LRIG2: variants seen among roughly 807,000 people sequenced by gnomAD.
LRIG2 encodes leucine-rich repeats and immunoglobulin-like domains protein 2.
Under a neutral mutation model 107.8 loss-of-function variants are expected in LRIG2, and 93 were observed. That is an observed-to-expected ratio of 0.86 (90% CI 0.73 to 1.03). LRIG2 has a LOEUF of 1.03. Among genes scored for constraint, LRIG2 ranks in the 50% least tolerant of loss-of-function variants. The pLI is 0.00. For synonymous variants in LRIG2, 471 were observed against 470.6 expected (o/e 1.00, Z -0.01); for missense variants, 1,226 against 1,296.0 (o/e 0.95, Z 0.83).
At chr1:113,085,002 A>G (rs1653483652) in intron 1 of LRIG2, among the ~76,000 whole-genome samples, 1 of 152,230 alleles carries the variant, frequency 6.6e-6, no homozygotes, top group Non-Finnish European at 1.5e-5. Context: ...CAAATTATTG[A>G]TTTCATGTTT....
rs554816737 is a variant in LRIG2, at chr1:113,123,910, G to A, written c.3007G>A (p.Glu1003Lys). 4 of 1,614,092 alleles carry A rather than the reference G, an allele frequency of 2.5e-6. No homozygotes were observed. Among genetic ancestry groups the A allele is most frequent in the Non-Finnish European group, 3.4e-6 (4 of 1,180,020 alleles). Reference sequence around the variant, plus strand: ...GCGGCCCGTGTGGAACATAAACAGAGAACTAGGCCTGCCTCATCCTCCTTT... The same window carrying A: ...GCGGCCCGTGTGGAACATAAACAGAAAACTAGGCCTGCCTCATCCTCCTTT... ...LQRPVWNINR[E>K]LGLPHPPFSQ... is the part of the protein sequence containing the mutation. Residue 1003 changes from glutamate to lysine, a missense_variant, in exon 18 of 18, where the codon GAA becomes AAA. Glu to Lys is a moderately conservative substitution (Grantham distance 56, BLOSUM62 1). This residue lies in a region of LRIG2 where 642 missense variants were observed against 712.2 expected (regional missense o/e 0.90). Coordinates refer to ENST00000361127, the MANE Select transcript of LRIG2 (RefSeq NM_014813.3).
At position 113,110,283 on chromosome 1, in the gene LRIG2, A is replaced by G; in HGVS notation, c.1519A>G (p.Ile507Val). Residue 507 changes from isoleucine to valine, a missense_variant, in exon 13 of 18, where the codon ATA becomes GTA. Ile to Val is a conservative substitution (Grantham distance 29). This residue lies in a region of LRIG2 where 642 missense variants were observed against 712.2 expected (regional missense o/e 0.90). Transcript: ENST00000361127. ...ACAGATAAGGACACATCCTGAAACC[A>G]TAATTGCTCTAAGAGGCATGAATGT... The part of the protein sequence containing the change: ...KPQIRTHPET[I>V]IALRGMNVTL... 1.2e-6 allele frequency: 2 copies of G among 1,613,538 alleles called. No individual in the cohort carries two copies. Among genetic ancestry groups the G allele is most frequent in the African/African-American group, 1.3e-5 (1 of 75,062 alleles).
At chr1:113,109,501 A>G (rs1654679814) in intron 12 of LRIG2, among the ~76,000 whole-genome samples, 1 of 152,184 alleles carries the variant, frequency 6.6e-6, no homozygotes, top group Non-Finnish European at 1.5e-5. Context: ...ATTGGCACAG[A>G]AAGGATAATG....
chr1:113,110,266 G>A lies in LRIG2; in HGVS notation c.1502G>A (p.Arg501Lys), dbSNP rs777941984. Residue 501 changes from arginine to lysine, a missense_variant, in exon 13 of 18, where the codon AGG (arginine) becomes AAG (lysine). Coordinates refer to ENST00000361127, the MANE Select transcript of LRIG2 (RefSeq NM_014813.3). ...VCDDFLKPQI[R>K]THPETIIALR... Reference sequence around the variant, plus strand: ...GATGATTTTCTCAAGCCACAGATAAGGACACATCCTGAAACCATAATTGCT... The same window carrying A: ...GATGATTTTCTCAAGCCACAGATAAAGACACATCCTGAAACCATAATTGCT... The A allele has an allele frequency of 1.2e-6, 2 of 1,610,740 alleles. No individual in the cohort carries two copies. Among genetic ancestry groups the A allele is most frequent in the Non-Finnish European group, 8.5e-7 (1 of 1,177,494 alleles).
intron 1 of LRIG2, among the ~76,000 whole-genome samples, chr1:113,085,623 T>A (rs1653514487): frequency 1.3e-5 from 2 of 152,202 alleles, no homozygotes; most frequent in Admixed American, 6.5e-5. Flanking sequence ...CCAATATAGC[T>A]AGCCATTTCT....
rs1381669023 is a variant in LRIG2 at position 113,112,385 on chromosome 1, G to A, written c.1799-94G>A. The A allele has an allele frequency of 7.5e-6, 8 of 1,066,420 alleles. No homozygotes were observed. In the East Asian group the frequency reaches 1.9e-4, roughly 26 times the overall value. The allele number at this position is 1,066,420 out of a possible 1,614,324, so 66.1% of individuals were successfully genotyped here. The stretch of plus-strand genomic sequence containing the variant: ...ACAAAGAAATGGAACATTAGGGGGT[G>A]TCTTGCCTACTAGATTCTTTCATGC... On this transcript the variant is annotated intron_variant, in intron 13 of 17. Transcript: ENST00000361127.
intron 4 of LRIG2, 37 bp downstream of exon 4, chr1:113,093,601 C>T: frequency 7.6e-7 from 1 of 1,312,550 alleles, no homozygotes; most frequent in Non-Finnish European, 1.0e-6. Flanking sequence ...TACTTTAAAG[C>T]ACATGTTTAT....
chr1:113,095,113 C>T (rs1461631823), intron 6 of LRIG2, among the ~76,000 whole-genome samples: 5 of 151,910 alleles, frequency 3.3e-5, no homozygotes, highest in South Asian at 4.2e-4. Flanking sequence ...GCTGGGATTA[C>T]AGGCGTGTGC....
intron 1 of LRIG2, among the ~76,000 whole-genome samples, chr1:113,089,676 CTTTTT>C (rs35515644): frequency 2.8e-5 from 2 of 71,674 alleles, no homozygotes; most frequent in South Asian, 7.0e-4. Flanking sequence ...AGGTGGATTG[CTTTTT>C]TTTTTTTTTT....
In LRIG2 at chr1:113,094,376, G is replaced by T. The variant is rs1385750009; in HGVS notation, c.553G>T (p.Gly185Cys). ...TAACAGAATAACCACCTTGGAGGCT[G>T]GTTGCTTCGATAATTTATCAAGTTC... ...SNNRITTLEA[G>C]CFDNLSSSLL... Residue 185 changes from glycine to cysteine, a missense_variant, in exon 5 of 18, where the codon GGT (glycine) becomes TGT (cysteine). By Grantham distance (159) the Gly-to-Cys change is radical (BLOSUM62 -3). Transcript: ENST00000361127. The T allele has an allele frequency of 6.2e-7, 1 of 1,612,524 alleles. No homozygotes were observed. Among genetic ancestry groups the T allele is most frequent in the Non-Finnish European group, 8.5e-7 (1 of 1,179,398 alleles).
At chr1:113,096,534 A>G (rs1330692257) in intron 8 of LRIG2, among the ~76,000 whole-genome samples, 169 bp downstream of exon 8, 1 of 152,318 alleles carries the variant, frequency 6.6e-6, no homozygotes, top group East Asian at 1.9e-4. Flanking sequence ...CATCCCCATA[A>G]AAATCCCAAG....
In LRIG2 at chr1:113,112,637, G is replaced by T. The variant is rs199501782; in HGVS notation, c.1957G>T (p.Val653Phe). The T allele has an allele frequency of 6.2e-7, 1 of 1,614,168 alleles. No individual in the cohort carries two copies. Among genetic ancestry groups the T allele is most frequent in the Non-Finnish European group, 8.5e-7 (1 of 1,180,036 alleles). Reference sequence around the variant, plus strand: ...TGCGGCTCGAGAAAGACGCATGCACGTCATGCCCGAGGATGACGTCTTCTT... The same window carrying T: ...TGCGGCTCGAGAAAGACGCATGCACTTCATGCCCGAGGATGACGTCTTCTT... ...FPAARERRMH[V>F]MPEDDVFFIA... Residue 653 changes from valine to phenylalanine, a missense_variant, in exon 14 of 18, where the codon GTC (valine) becomes TTC (phenylalanine). This residue lies in a region of LRIG2 where 642 missense variants were observed against 712.2 expected (regional missense o/e 0.90). Coordinates refer to ENST00000361127, the MANE Select transcript of LRIG2 (RefSeq NM_014813.3).
In LRIG2 at chr1:113,078,370, C is replaced by A. The variant is rs558877880; in HGVS notation, c.239+4725C>A. On this transcript the variant is annotated intron_variant, in intron 1 of 17. Transcript: ENST00000361127. The stretch of plus-strand genomic sequence containing the variant: ...TCTCCTGCCTTAGTCTCCCAAGTAG[C>A]TGGGATTACCGGTGCCCACCACCAC... 2.6e-5 allele frequency among the ~76,000 whole-genome samples: 4 copies of A among 152,040 alleles called. No individual in the cohort carries two copies. In the South Asian group the frequency reaches 8.3e-4, roughly 32 times the overall value.
At position 113,093,484 on chromosome 1, in the gene LRIG2, T is replaced by C; in HGVS notation, c.435T>C (p.Ala145=). The change falls in exon 4 of 18, where the codon GCT becomes GCC. Residue 145 remains alanine (A), a synonymous_variant. Transcript: ENST00000361127. The part of the protein sequence containing the change: ...INAQALQFYP[A]LESLDLSSNI... ...CACAGGCACTCCAGTTTTACCCTGC[T>C]CTGGAGAGTTTAGACCTCAGCTCAA... 1.2e-6 allele frequency: 2 copies of C among 1,612,336 alleles called. No individual in the cohort carries two copies. Among genetic ancestry groups the C allele is most frequent in the Non-Finnish European group, 1.7e-6 (2 of 1,178,438 alleles).
At chr1:113,105,404 A>C (rs1251863281) in intron 11 of LRIG2, among the ~76,000 whole-genome samples, 1 of 152,176 alleles carries the variant, frequency 6.6e-6, no homozygotes, top group African/African-American at 2.4e-5. Flanking sequence ...CTCTTGGTTT[A>C]GTGGTACTTT....
chr1:113,090,215 G>T (rs1181773770), intron 1 of LRIG2, among the ~76,000 whole-genome samples: 2 of 152,154 alleles, frequency 1.3e-5, no homozygotes, highest in African/African-American at 2.4e-5. Flanking sequence ...GGCAAAATGT[G>T]TAAATTGTTG....
At chr1:113,085,929 C>T (rs1327281189) in intron 1 of LRIG2, among the ~76,000 whole-genome samples, 2 of 150,282 alleles carry the variant, frequency 1.3e-5, no homozygotes, top group South Asian at 2.1e-4. Context: ...GTTCAGTTTA[C>T]GCCAAGAATA....
rs189820116 is a variant in LRIG2 at position 113,114,614 on chromosome 1, C to T, written c.2268C>T (p.Ala756=). 1.2e-5 allele frequency: 20 copies of T among 1,614,012 alleles called. No homozygotes were observed. Among genetic ancestry groups the T allele is most frequent in the African/African-American group, 8.0e-5 (6 of 74,980 alleles). The change falls in exon 15 of 18, where the codon GCC becomes GCT. Residue 756 remains alanine (A), a synonymous_variant. Transcript: ENST00000361127. The part of the protein sequence containing the change: ...AANQLLIIVD[A]GLEDAGKYTC... ...ATCAGCTTCTCATCATTGTAGATGC[C>T]GGGCTAGAAGATGCTGGGAAATATA...
At chr1:113,114,056 A>T (rs1654890440) in intron 14 of LRIG2, among the ~76,000 whole-genome samples, 1 of 152,206 alleles carries the variant, frequency 6.6e-6, no homozygotes, top group Non-Finnish European at 1.5e-5. Flanking sequence ...TTTTTCTGCT[A>T]GATTTAAAAA....
Sources: gnomAD v4.1 joint callset for allele counts (sites outside exome capture counted in the v4.1 genomes callset) on GRCh38, gnomAD v4.1.1 for gene constraint, gnomAD v4.1.1 regional missense constraint, MANE v1.5 for transcripts, NCBI Gene and HGNC (gene_info 2026-07-23, HGNC 2026-07-21) for gene names.